LAMB3: variants seen among roughly 807,000 people sequenced by gnomAD.
LAMB3 encodes the protein laminin subunit beta 3, also known as laminin subunit beta-3.
In LAMB3, 104 loss-of-function variants were observed where a neutral mutation model predicts 140.3. That is an observed-to-expected ratio of 0.74 (90% CI 0.63 to 0.87). LAMB3 has a LOEUF of 0.87. LAMB3 is among the 40% of genes least tolerant of loss of function. The pLI is 0.00. For synonymous variants in LAMB3, 592 were observed against 602.9 expected (o/e 0.98, Z 0.26); for missense variants, 1,531 against 1,575.2 (o/e 0.97, Z 0.47).
chr1:209,625,977 T>C lies in LAMB3; in HGVS notation c.1647A>G (p.Ala549=). ...CAGGGCGGCAGAGGCAGCGGCCTGA[T>C]GCCTTGTCGCAGCCCGGGCCCTCTG... The part of the protein sequence containing the change: ...RGTEGPGCDK[A]SGRCLCRPGL... Residue 549 remains alanine (A), a synonymous_variant, in exon 14 of 23, where the codon GCA becomes GCG. Transcript: ENST00000356082. 1 of 1,613,660 alleles carries C rather than the reference T, an allele frequency of 6.2e-7. No individual in the cohort carries two copies.
chr1:209,638,601 G>C lies in LAMB3; in HGVS notation c.231C>G (p.Tyr77Ter). 1 of 1,614,146 alleles carries C rather than the reference G, an allele frequency of 6.2e-7. No homozygotes were observed. Among genetic ancestry groups the C allele is most frequent in the Non-Finnish European group, 8.5e-7 (1 of 1,179,990 alleles). The change falls in exon 4 of 23, where the codon TAC (tyrosine) becomes TAG (stop). Residue 77 changes from tyrosine to a stop codon, truncating the protein, a stop_gained. Coordinates refer to ENST00000356082, the MANE Select transcript of LAMB3 (RefSeq NM_000228.3). LOFTEE classifies it high-confidence loss of function. ...CCACATTCTCTACTCGGTGACTGTAGTAGTTGTGAGGCTGCCTGGAGTCAC... is the reference window on the plus strand; with the variant it reads ...CCACATTCTCTACTCGGTGACTGTACTAGTTGTGAGGCTGCCTGGAGTCAC... ...CKCDSRQPHN[Y>*]YSHRVENVAS...
chr1:209,617,637 G>A (rs1421072170), intron 20 of LAMB3, 51 bp from the exon 21 acceptor site: 3 of 1,602,674 alleles, frequency 1.9e-6, no homozygotes, highest in South Asian at 1.1e-5. Context: ...CATAGGTCGG[G>A]GGGTTCATCC....
Position 209,622,998 on chromosome 1 carries a change from T to C in LAMB3, c.2540A>G (p.Gln847Arg), listed in dbSNP as rs769743596. Residue 847 changes from glutamine (Q) to arginine (R), a missense_variant, in exon 17 of 23, where the codon CAG (glutamine) becomes CGG (arginine). By Grantham distance (43) the Gln-to-Arg change is conservative. Transcript: ENST00000356082. ...EQLRGFNAQL[Q>R]RTRQMIRAAE... ...TGCACTTACCATCTGCCTGGTCCGC[T>C]GGAGCTGGGCATTGAAGCCCCGCAG... 10 of 1,613,426 alleles carry C rather than the reference T, an allele frequency of 6.2e-6. No individual in the cohort carries two copies. The South Asian group carries it at 1.1e-4, about 18-fold the overall frequency.
intron 21 of LAMB3, 68 bp downstream of exon 21, chr1:209,617,342 A>G (rs1666004216): frequency 6.6e-7 from 1 of 1,514,854 alleles, no homozygotes; most frequent in South Asian, 1.1e-5. Context: ...AAAGTGTGCA[A>G]AGTCCTCCTC....
At chr1:209,644,746 C>A (rs1312356072) in intron 3 of LAMB3, among the ~76,000 whole-genome samples, 3 of 152,204 alleles carry the variant, frequency 2.0e-5, no homozygotes, top group African/African-American at 7.2e-5. Flanking sequence ...GAAAGGCAAC[C>A]TCAACTTCAG....
At chr1:209,646,634 G>A (rs1234970954) in intron 3 of LAMB3, among the ~76,000 whole-genome samples, 1 of 152,214 alleles carries the variant, frequency 6.6e-6, no homozygotes, top group African/African-American at 2.4e-5. Context: ...GGATTTTAGT[G>A]AGGTACGCGA....
In LAMB3 at chr1:209,634,566, G is replaced by A. The variant is rs372787389; in HGVS notation, c.445C>T (p.Leu149=). 4 of 1,614,046 alleles carry A rather than the reference G, an allele frequency of 2.5e-6. No homozygotes were observed. Among genetic ancestry groups the A allele is most frequent in the Non-Finnish European group, 3.4e-6 (4 of 1,180,032 alleles). ...FGKTWRVYQY[L]AADCTSTFPR... is the part of the protein sequence containing the mutation. The stretch of plus-strand genomic sequence containing the variant: ...AAGGTGGAGGTGCAGTCGGCAGCCA[G>A]GTACTGGTACACTCGCCAGGTCTTA... Residue 149 remains leucine (L), a synonymous_variant, in exon 6 of 23, where the codon CTG becomes TTG. Transcript: ENST00000356082.
intron 3 of LAMB3, among the ~76,000 whole-genome samples, chr1:209,647,197 C>T (rs1401718479): frequency 6.6e-6 from 1 of 152,246 alleles, no homozygotes; most frequent in Non-Finnish European, 1.5e-5. Flanking sequence ...TTTACAGAAG[C>T]AAGCCCTTGA....
chr1:209,626,950 C>T lies in LAMB3; in HGVS notation c.1514G>A (p.Gly505Asp), dbSNP rs1226891529. ...QFTGQCPCRE[G>D]FGGLMCSAAA... ...AGCGCTGCACATCAGGCCACCAAAG[C>T]CTTCCCGACAGGGGCACTGCCCTGT... Residue 505 changes from glycine to aspartate, a missense_variant, in exon 13 of 23, where the codon GGC (glycine) becomes GAC (aspartate). Coordinates refer to ENST00000356082, the MANE Select transcript of LAMB3 (RefSeq NM_000228.3). 6.2e-7 allele frequency: 1 copy of T among 1,613,746 alleles called. No individual in the cohort carries two copies. Among genetic ancestry groups the T allele is most frequent in the East Asian group, 2.2e-5 (1 of 44,866 alleles).
At chr1:209,636,755 G>T (rs888447266) in intron 5 of LAMB3, among the ~76,000 whole-genome samples, 2 of 152,080 alleles carry the variant, frequency 1.3e-5, no homozygotes, top group Non-Finnish European at 2.9e-5. Flanking sequence ...GCCATTACTG[G>T]TCTATGAAAG....
intron 3 of LAMB3, among the ~76,000 whole-genome samples, chr1:209,639,372 T>C (rs1432455132): frequency 6.6e-6 from 1 of 152,174 alleles, no homozygotes; most frequent in East Asian, 1.9e-4. Flanking sequence ...TCTAAGGCCT[T>C]CCAGCAGTGA....
At chr1:209,649,895 A>T in intron 3 of LAMB3, 69 bp downstream of exon 3, 1 of 1,544,266 alleles carries the variant, frequency 6.5e-7, no homozygotes, top group Non-Finnish European at 9.0e-7. Context: ...CTAAGTATTC[A>T]GTGGACAAAT....
chr1:209,624,042 T>A, intron 14 of LAMB3, 42 bp from the exon 15 acceptor site: 1 of 1,573,674 alleles, frequency 6.4e-7, no homozygotes, highest in Non-Finnish European at 8.7e-7. Flanking sequence ...TAGGAGGGAG[T>A]TTTGCCTCCC....
chr1:209,630,549 T>G (rs753396072), intron 9 of LAMB3, 66 bp downstream of exon 9: 2 of 1,583,722 alleles, frequency 1.3e-6, no homozygotes, highest in South Asian at 2.2e-5. Flanking sequence ...GGTGAGATCA[T>G]CAAGGCCTAG....
chr1:209,651,181 C>T (rs2076563762), intron 1 of LAMB3, 200 bp from the exon 2 acceptor site: 4 of 570,996 alleles, frequency 7.0e-6, no homozygotes, highest in Non-Finnish European at 1.3e-5. Flanking sequence ...TGGCATGTGA[C>T]TCACAGGGTG....
At position 209,627,533 on chromosome 1, in the gene LAMB3, G is replaced by T; in HGVS notation, c.1335C>A (p.Asp445Glu). The change falls in exon 12 of 23, where the codon GAC becomes GAA. Residue 445 changes from aspartate to glutamate, a missense_variant. Transcript: ENST00000356082. ...GACAAAGGCAGCGCCCACTCTCCTC[G>T]TCACACGGCATGTCCCTCCGGGACC... is the stretch of plus-strand genomic sequence containing the variant. The part of the protein sequence containing the change: ...ILGSRRDMPC[D>E]EESGRCLCLP... 1 of 1,614,048 alleles carries T rather than the reference G, an allele frequency of 6.2e-7. No homozygotes were observed. The highest frequency in any genetic ancestry group is 8.5e-7 in the Non-Finnish European group (1 of 1,180,018).
Position 209,617,513 on chromosome 1 carries a change from C to T in LAMB3, c.3125G>A (p.Arg1042Gln), listed in dbSNP as rs749709873. 37 of 1,613,980 alleles carry T rather than the reference C, an allele frequency of 2.3e-5. No homozygotes were observed. The highest frequency in any genetic ancestry group is 8.9e-5 in the East Asian group (4 of 44,890). ...GGCTTGGTGGCGGAGCTCCTCCATC[C>T]GTGTCCAGAAGTCACCCAGCTGCTT... ...MTKQLGDFWT[R>Q]MEELRHQARQ... Residue 1042 changes from arginine (R) to glutamine (Q), a missense_variant, in exon 21 of 23, where the codon CGG (arginine) becomes CAG (glutamine). Physicochemically the swap from Arg to Gln is conservative, Grantham distance 43 (BLOSUM62 1). Transcript: ENST00000356082.
intron 18 of LAMB3, 156 bp from the exon 19 acceptor site, chr1:209,618,815 C>G (rs775931853): frequency 1.4e-6 from 1 of 705,446 alleles, no homozygotes; most frequent in Non-Finnish European, 2.5e-6. Flanking sequence ...CAGACTCAGG[C>G]GCCTGTTCTC....
chr1:209,630,834 A>T, intron 8 of LAMB3, 99 bp from the exon 9 acceptor site: 2 of 1,412,288 alleles, frequency 1.4e-6, no homozygotes, highest in Non-Finnish European at 2.0e-6. Context: ...ACCACTCAGG[A>T]TCTGGCTTAG....
Sources: gnomAD v4.1 joint callset for allele counts (sites outside exome capture counted in the v4.1 genomes callset) on GRCh38, gnomAD v4.1.1 for gene constraint, MANE v1.5 for transcripts, NCBI Gene and HGNC (gene_info 2026-07-23, HGNC 2026-07-21) for gene names.